The following IFT74 variants were observed in gnomAD, a reference collection of about 807,000 sequenced individuals.
The protein encoded by IFT74 is intraflagellar transport protein 74 homolog.
IFT74 carries 92 observed loss-of-function variants against 96.7 expected under a neutral mutation model. The observed-to-expected ratio is 0.95, with a 90% CI of 0.80 to 1.13. IFT74 has a LOEUF of 1.13. Ranked by LOEUF, IFT74 falls within the 50% of genes most tolerant of loss-of-function variation. The probability of loss-of-function intolerance (pLI) is 0.00; values close to 1 mark genes in which losing one functional copy is unlikely to be tolerated. For synonymous variants in IFT74, 223 were observed against 213.2 expected (o/e 1.05, Z -0.40); for missense variants, 811 against 698.2 (o/e 1.16, Z -1.82).
intron 11 of IFT74, 95 bp downstream of exon 11, chr9:27,017,145 C>G: frequency 1.1e-6 from 1 of 928,942 alleles, no homozygotes; most frequent in Non-Finnish European, 1.6e-6. Flanking sequence ...AGTAGTAAAG[C>G]TAGTAAGTGT....
chr9:27,036,697 T>G (rs1819214859), intron 13 of IFT74: 1 of 1,308,892 alleles, frequency 7.6e-7, no homozygotes, highest in South Asian at 2.5e-5. Context: ...AAAAAAAGAC[T>G]CCTAAAAATC....
At chr9:26,999,652 T>G (rs1298164704) in intron 8 of IFT74, 20 of 1,610,282 alleles carry the variant, frequency 1.2e-5, no homozygotes, top group Non-Finnish European at 1.6e-5. Flanking sequence ...AATAATATCA[T>G]GGAGAGGGGC....
At chr9:26,961,141 A>T (rs1826338591) in intron 1 of IFT74, among the ~76,000 whole-genome samples, 1 of 135,978 alleles carries the variant, frequency 7.4e-6, no homozygotes, top group African/African-American at 2.8e-5. Context: ...CCCAGGCTGG[A>T]GTGCAGTAGC....
intron 8 of IFT74, among the ~76,000 whole-genome samples, chr9:26,992,417 G>A (rs1296287068): frequency 6.6e-6 from 1 of 152,142 alleles, no homozygotes; most frequent in East Asian, 1.9e-4. Context: ...AATTGGCCAG[G>A]TGCAGTGGCT....
At chr9:26,949,589 C>T (rs2131451063) in intron 1 of IFT74, among the ~76,000 whole-genome samples, 1 of 152,224 alleles carries the variant, frequency 6.6e-6, no homozygotes, top group Non-Finnish European at 1.5e-5. Context: ...TTGCCTGCTG[C>T]CTTCCAAAAA....
intron 14 of IFT74, among the ~76,000 whole-genome samples, chr9:27,045,337 A>C (rs761212332): frequency 4.1e-4 from 62 of 152,208 alleles, no homozygotes; most frequent in Non-Finnish European, 7.2e-4. Context: ...TCCATAGAAA[A>C]ATTGTCTTCC....
At chr9:27,007,660 T>G (rs1828861110) in intron 8 of IFT74, among the ~76,000 whole-genome samples, 2 of 152,224 alleles carry the variant, frequency 1.3e-5, no homozygotes, top group South Asian at 4.1e-4. Context: ...TTTAGGTTGT[T>G]TATTCTAGTA....
intron 13 of IFT74, among the ~76,000 whole-genome samples, chr9:27,044,032 A>G (rs577653503): frequency 6.6e-6 from 1 of 152,284 alleles, no homozygotes; most frequent in Non-Finnish European, 1.5e-5. Context: ...ACTCTTTAAC[A>G]TGGATCTTAT....
At chr9:27,029,183 A>G (rs1830009583) in intron 13 of IFT74, 79 bp downstream of exon 13, 6 of 1,012,264 alleles carry the variant, frequency 5.9e-6, no homozygotes, top group Non-Finnish European at 8.7e-6. Flanking sequence ...TGTCTCAGAG[A>G]CTGTTCAACT....
In IFT74 at chr9:27,065,089, G is replaced by A. The variant is rs1266415506; in HGVS notation, c.*2353G>A. Among the ~76,000 whole-genome samples the A allele has an allele frequency of 6.6e-6, 1 of 152,098 alleles. No individual in the cohort carries two copies. Among genetic ancestry groups the A allele is most frequent in the Non-Finnish European group, 1.5e-5 (1 of 67,990 alleles). On this transcript the variant is annotated 3_prime_UTR_variant, in exon 20 of 20. Transcript: ENST00000380062. ...AGATTGGCCTGTCCATTAAATATAT[G>A]TGTTTGCATTATAACAATGGGAAAT...
chr9:26,993,590 A>G (rs1827985878), intron 8 of IFT74: 1 of 152,530 alleles, frequency 6.6e-6, no homozygotes, highest in African/African-American at 2.4e-5. Flanking sequence ...TCTATAGATT[A>G]TGACATAGAT....
Position 27,008,605 on chromosome 9 carries a change from C to A in IFT74, c.588-415C>A, listed in dbSNP as rs140188865. Among the ~76,000 whole-genome samples, 533 of 152,224 alleles carry A rather than the reference C, an allele frequency of 3.5e-3. 2 individuals carry two copies. Among genetic ancestry groups the A allele is most frequent in the African/African-American group, 0.012 (497 of 41,550 alleles). On this transcript the variant is annotated intron_variant, in intron 8 of 19. Transcript: ENST00000380062. ...GACCTCCAGACCTCAGGTGATCCACCTGCCTCAGCCTTCCAAAGTGCTGGG... is the reference window on the plus strand; with the variant it reads ...GACCTCCAGACCTCAGGTGATCCACATGCCTCAGCCTTCCAAAGTGCTGGG...
chr9:27,051,209 A>T (rs1587417889), intron 16 of IFT74, among the ~76,000 whole-genome samples: 1 of 152,172 alleles, frequency 6.6e-6, no homozygotes, highest in East Asian at 1.9e-4. Flanking sequence ...TAGATAAGGG[A>T]TTATGGACCT....
intron 8 of IFT74, among the ~76,000 whole-genome samples, chr9:26,999,174 A>G (rs1828337542): frequency 1.3e-5 from 2 of 152,206 alleles, no homozygotes; most frequent in African/African-American, 4.8e-5. Context: ...GTGGATATAG[A>G]TGGAAAGAAA....
intron 2 of IFT74, among the ~76,000 whole-genome samples, chr9:26,965,508 A>G (rs1016498918): frequency 2.0e-5 from 3 of 152,158 alleles, no homozygotes; most frequent in Admixed American, 1.3e-4. Flanking sequence ...TGAAGTCTTC[A>G]TACATAGGAT....
rs1433177359 is a variant in IFT74 at position 26,984,284 on chromosome 9, A to C, written c.333A>C (p.Glu111Asp). Residue 111 changes from glutamate to aspartate, a missense_variant, in exon 5 of 20, where the codon GAA (glutamate) becomes GAC (aspartate). Transcript: ENST00000380062. Reference protein sequence around the residue: ...LRSKISELTTEVNKLQKGIEM... With the variant: ...LRSKISELTTDVNKLQKGIEM... ...GTAAAATAAGTGAACTTACAACTGAAGTTAATAAACTTCAGAAGGGAATAG... is the reference window on the plus strand; with the variant it reads ...GTAAAATAAGTGAACTTACAACTGACGTTAATAAACTTCAGAAGGGAATAG... The C allele has an allele frequency of 3.8e-6, 6 of 1,569,694 alleles. No homozygotes were observed. In the African/African-American group the frequency reaches 8.2e-5, roughly 22 times the overall value.
intron 2 of IFT74, among the ~76,000 whole-genome samples, chr9:26,963,091 G>T (rs1041074387): frequency 1.3e-5 from 2 of 151,850 alleles, no homozygotes; most frequent in Non-Finnish European, 2.9e-5. Flanking sequence ...TGTATCTCCC[G>T]ATGCTATCCC....
chr9:26,971,951 C>G (rs905053745), intron 2 of IFT74, among the ~76,000 whole-genome samples: 1 of 152,180 alleles, frequency 6.6e-6, no homozygotes, highest in Non-Finnish European at 1.5e-5. Flanking sequence ...ATCTTTCTGA[C>G]TCTACTTCTT....
At chr9:26,960,777 G>A (rs1413823) in intron 1 of IFT74, among the ~76,000 whole-genome samples, 152,196 of 152,198 alleles carry the variant, frequency 1, 76,097 homozygotes, top group Non-Finnish European at 1. Context: ...GATGTTTGAG[G>A]TGAAGCAATT....
Sources: gnomAD v4.1 joint callset for allele counts (sites outside exome capture counted in the v4.1 genomes callset) on GRCh38, gnomAD v4.1.1 for gene constraint, MANE v1.5 for transcripts, NCBI Gene and HGNC (gene_info 2026-07-23, HGNC 2026-07-21) for gene names.